PLXDC2: variants seen among roughly 807,000 people sequenced by gnomAD.
The protein encoded by PLXDC2 is plexin domain-containing protein 2.
A neutral mutation model predicts 68.9 loss-of-function variants in PLXDC2; 40 were observed. The observed-to-expected ratio is 0.58, with a 90% confidence interval of 0.45 to 0.76. The LOEUF is 0.76. Ranked by LOEUF, PLXDC2 falls within the 30% of genes least tolerant of loss-of-function variation. The pLI is 0.00. For synonymous variants in PLXDC2, 243 were observed against 234.2 expected (o/e 1.04, Z -0.34); for missense variants, 644 against 661.9 (o/e 0.97, Z 0.30).
At chr10:19,945,027 G>A (rs1236855473) in intron 1 of PLXDC2, among the ~76,000 whole-genome samples, 3 of 152,210 alleles carry the variant, frequency 2.0e-5, no homozygotes, top group Admixed American at 6.5e-5. Flanking sequence ...TTTGAAGCTG[G>A]TTTGAACAGT....
intron 4 of PLXDC2, among the ~76,000 whole-genome samples, chr10:20,104,581 T>TGTAG (rs1196246172): frequency 6.6e-6 from 1 of 152,232 alleles, no homozygotes; most frequent in African/African-American, 2.4e-5. Context: ...CTAGGTTCCA[T>TGTAG]GTAGGTATCC....
At chr10:19,965,636 G>A (rs1834234338) in intron 1 of PLXDC2, among the ~76,000 whole-genome samples, 1 of 150,936 alleles carries the variant, frequency 6.6e-6, no homozygotes, top group Non-Finnish European at 1.5e-5. Context: ...GCTTCTGTGA[G>A]TCAGGAAGCT....
Position 19,918,404 on chromosome 10 carries a change from G to A in PLXDC2, c.113-83371G>A, listed in dbSNP as rs374205230. ...AAGAACAGGGCAGGTAGAGTTCAAA[G>A]TCAGTCCATTCTCTACATTAAGGGA... On this transcript the variant is annotated intron_variant, in intron 1 of 13. Coordinates refer to ENST00000377252, the MANE Select transcript of PLXDC2 (RefSeq NM_032812.9). Among the ~76,000 whole-genome samples, 11 of 152,308 alleles carry A rather than the reference G, an allele frequency of 7.2e-5. No homozygotes were observed. The East Asian group carries it at 1.7e-3, about 24-fold the overall frequency.
In PLXDC2 at chr10:20,287,656, T is replaced by TAG. The variant is rs1208500814; in HGVS notation, c.*7838_*7839dup. ...TTGCAAAGAAATGTTAAAATCATTT[T>TAG]AGGGAAATCAGTGAAGTCTCTTTAG... On this transcript the variant is annotated 3_prime_UTR_variant, in exon 14 of 14. Coordinates refer to ENST00000377252, the MANE Select transcript of PLXDC2 (RefSeq NM_032812.9). 1 of 152,142 alleles carries TAG rather than the reference T, an allele frequency of 6.6e-6. No individual in the cohort carries two copies. The highest frequency in any genetic ancestry group is 1.5e-5 in the Non-Finnish European group (1 of 68,038). 9.4% of individuals were successfully genotyped at this position (152,142 alleles called of 1,614,324 possible).
Position 20,212,538 on chromosome 10 carries a change from A to C in PLXDC2, c.1122+809A>C, listed in dbSNP as rs113048949. ...AGCATTTACTTCTTCTCCCTTCATT[A>C]AGTTTTGGGGTATCAATTTTGAATT... On this transcript the variant is annotated intron_variant, in intron 10 of 13. Transcript: ENST00000377252. Among the ~76,000 whole-genome samples the C allele has an allele frequency of 2.6e-3, 403 of 152,238 alleles. 2 individuals are homozygous for C. Among genetic ancestry groups the C allele is most frequent in the African/African-American group, 9.3e-3 (385 of 41,562 alleles).
intron 3 of PLXDC2, among the ~76,000 whole-genome samples, chr10:20,055,656 A>T (rs923723734): frequency 3.3e-5 from 5 of 151,892 alleles, no homozygotes; most frequent in African/African-American, 1.2e-4. Flanking sequence ...AAGTTTATCA[A>T]CCTGGTCTTA....
chr10:19,850,811 TG>T (rs1172025787), intron 1 of PLXDC2, among the ~76,000 whole-genome samples: 5 of 152,254 alleles, frequency 3.3e-5, no homozygotes, highest in African/African-American at 1.2e-4. Flanking sequence ...ACCCCAGACC[TG>T]GAGCTAAGTA....
At chr10:19,853,385 C>T (rs902362076) in intron 1 of PLXDC2, among the ~76,000 whole-genome samples, 2 of 151,776 alleles carry the variant, frequency 1.3e-5, no homozygotes, top group Non-Finnish European at 2.9e-5. Context: ...TTCTGTTTCT[C>T]CTCCTTTATT....
At chr10:20,129,526 C>CAT (rs35632011) in intron 4 of PLXDC2, among the ~76,000 whole-genome samples, 78,307 of 146,538 alleles carry the variant, frequency 0.53, 22,118 homozygotes, top group African/African-American at 0.72. Flanking sequence ...TATACATACA[C>CAT]ATATATATAT....
intron 1 of PLXDC2, among the ~76,000 whole-genome samples, chr10:19,955,584 C>T (rs1055785186): frequency 1.3e-5 from 2 of 152,000 alleles, no homozygotes; most frequent in African/African-American, 4.8e-5. Flanking sequence ...TAATACAGCA[C>T]TTTTAATATA....
At chr10:19,958,647 G>C (rs1834108156) in intron 1 of PLXDC2, among the ~76,000 whole-genome samples, 1 of 152,088 alleles carries the variant, frequency 6.6e-6, no homozygotes, top group South Asian at 2.1e-4. Context: ...TTCAGTACTT[G>C]AAGTTACTTC....
intron 12 of PLXDC2, among the ~76,000 whole-genome samples, chr10:20,223,607 C>T (rs1453269613): frequency 6.6e-6 from 1 of 152,112 alleles, no homozygotes; most frequent in Non-Finnish European, 1.5e-5. Flanking sequence ...GCCATCCTGC[C>T]CAGCCTAGAT....
chr10:20,228,923 A>T (rs1295994675), intron 12 of PLXDC2, among the ~76,000 whole-genome samples: 5 of 152,182 alleles, frequency 3.3e-5, no homozygotes, highest in Non-Finnish European at 7.3e-5. Flanking sequence ...ACATTTGTTG[A>T]TCTTGACTGG....
At chr10:20,191,726 C>G (rs7904420) in intron 9 of PLXDC2, among the ~76,000 whole-genome samples, 34,653 of 151,666 alleles carry the variant, frequency 0.23, 4,920 homozygotes, top group East Asian at 0.4. Context: ...TTAATGGGTG[C>G]AGCACACCAA....
chr10:20,192,452 A>T (rs1256171766), intron 9 of PLXDC2, among the ~76,000 whole-genome samples: 1 of 152,112 alleles, frequency 6.6e-6, no homozygotes, highest in Non-Finnish European at 1.5e-5. Context: ...GGGTCCTCAT[A>T]AAAAAATTAA....
At chr10:19,880,600 T>C (rs1475361) in intron 1 of PLXDC2, among the ~76,000 whole-genome samples, 68,037 of 152,046 alleles carry the variant, frequency 0.45, 15,632 homozygotes, top group African/African-American at 0.54. Context: ...ATAAAAGGGA[T>C]TACTGTATTA....
intron 1 of PLXDC2, among the ~76,000 whole-genome samples, chr10:19,906,307 A>T (rs1482411887): frequency 6.6e-6 from 1 of 152,218 alleles, no homozygotes; most frequent in African/African-American, 2.4e-5. Flanking sequence ...TCCCAGGAGA[A>T]GGAGACATAT....
At chr10:20,139,803 A>G (rs997110733) in intron 4 of PLXDC2, among the ~76,000 whole-genome samples, 4 of 145,012 alleles carry the variant, frequency 2.8e-5, no homozygotes, top group Admixed American at 6.9e-5. Flanking sequence ...GAGTTGAGCA[A>G]TGAGAACACA....
chr10:20,038,032 C>A lies in PLXDC2; in HGVS notation c.325-8837C>A, dbSNP rs189956633. ...GGCTGAGGCGGGCGGATGACGAGGT[C>A]AGGAGATTGAGGCTAACATGGTGAA... On this transcript the variant is annotated intron_variant, in intron 2 of 13. Coordinates refer to ENST00000377252, the MANE Select transcript of PLXDC2 (RefSeq NM_032812.9). Among the ~76,000 whole-genome samples the A allele has an allele frequency of 6.8e-4, 104 of 152,122 alleles. 2 individuals carry two copies. The East Asian group carries it at 0.02, about 29-fold the overall frequency.
Sources: gnomAD v4.1 joint callset for allele counts (sites outside exome capture counted in the v4.1 genomes callset) on GRCh38, gnomAD v4.1.1 for gene constraint, MANE v1.5 for transcripts, NCBI Gene and HGNC (gene_info 2026-07-23, HGNC 2026-07-21) for gene names.